Variants in CSGALNACT1 observed in about 807,000 individuals in gnomAD.
CSGALNACT1 encodes the protein beta4GalNAcT-1.
A neutral mutation model predicts 51.0 loss-of-function variants in CSGALNACT1; 52 were observed. The ratio of observed to expected loss-of-function variants is 1.02; its 90% CI spans 0.82 to 1.29. The LOEUF is 1.29. CSGALNACT1 is among the 50% of genes most tolerant of loss of function. The pLI is 0.00. For synonymous variants in CSGALNACT1, 341 were observed against 254.4 expected (o/e 1.34, Z -3.24); for missense variants, 935 against 679.2 (o/e 1.38, Z -4.19).
exon 10 of CSGALNACT1, chr8:19,405,783 T>C (rs2054016138): frequency 6.2e-7 from 1 of 1,614,062 alleles, no homozygotes; most frequent in South Asian, 1.1e-5. Context: ...TGGGAGTTCA[T>C]GTTTTTTTGC....
At chr8:19,598,267 C>T (rs555837913) in intron 2 of CSGALNACT1, among the ~76,000 whole-genome samples, 3 of 152,166 alleles carry the variant, frequency 2.0e-5, no homozygotes, top group East Asian at 1.9e-4. Flanking sequence ...CACCGGATAC[C>T]CATTCATGTG....
intron 1 of CSGALNACT1, among the ~76,000 whole-genome samples, chr8:19,614,950 T>C (rs576571387): frequency 6.5e-4 from 99 of 152,222 alleles, no homozygotes; most frequent in Non-Finnish European, 1.0e-3. Flanking sequence ...TTTGCAGTGA[T>C]ATTTCAATTT....
chr8:19,481,573 G>A (rs1586906987), intron 4 of CSGALNACT1, among the ~76,000 whole-genome samples: 4 of 152,148 alleles, frequency 2.6e-5, no homozygotes, highest in African/African-American at 7.2e-5. Context: ...ACACACTTAA[G>A]AACACCCTAG....
intron 3 of CSGALNACT1, among the ~76,000 whole-genome samples, chr8:19,584,532 T>A (rs563765280): frequency 1.5e-4 from 23 of 152,362 alleles, no homozygotes; most frequent in South Asian, 2.1e-4. Context: ...TCCTCCAGGA[T>A]ACTGTTTATG....
At chr8:19,719,410 G>C (rs957131420) in intron 1 of CSGALNACT1, among the ~76,000 whole-genome samples, 1 of 152,144 alleles carries the variant, frequency 6.6e-6, no homozygotes, top group Admixed American at 6.6e-5. Context: ...TCTGGAAATA[G>C]GCACACATTC....
chr8:19,752,889 G>T (rs760656090), intron 1 of CSGALNACT1, among the ~76,000 whole-genome samples: 38 of 152,160 alleles, frequency 2.5e-4, no homozygotes, highest in Non-Finnish European at 3.8e-4. Flanking sequence ...TGAAATTCTA[G>T]CAAACAATTA....
chr8:19,437,809 T>A (rs373493893), intron 6 of CSGALNACT1, among the ~76,000 whole-genome samples: 1 of 152,182 alleles, frequency 6.6e-6, no homozygotes, highest in South Asian at 2.1e-4. Flanking sequence ...ATTGGGTAGA[T>A]TGATGACTAG....
intron 4 of CSGALNACT1, among the ~76,000 whole-genome samples, chr8:19,460,797 T>C (rs2065195601): frequency 6.6e-6 from 1 of 152,204 alleles, no homozygotes; most frequent in Admixed American, 6.5e-5. Context: ...CATGTCTTCC[T>C]CGCAAGTTCT....
intron 1 of CSGALNACT1, among the ~76,000 whole-genome samples, chr8:19,623,295 A>G (rs2054056596): frequency 6.6e-6 from 1 of 152,232 alleles, no homozygotes; most frequent in Non-Finnish European, 1.5e-5. Context: ...AGAAGTAATA[A>G]TAATCCTTAA....
At chr8:19,552,342 G>A (rs1432962098) in intron 3 of CSGALNACT1, among the ~76,000 whole-genome samples, 2 of 152,174 alleles carry the variant, frequency 1.3e-5, no homozygotes, top group African/African-American at 4.8e-5. Flanking sequence ...AGAAGAGGGT[G>A]TAGAGTTTTC....
At chr8:19,504,298 G>C (rs1337664959) in intron 4 of CSGALNACT1, among the ~76,000 whole-genome samples, 4 of 152,056 alleles carry the variant, frequency 2.6e-5, no homozygotes, top group Non-Finnish European at 5.9e-5. Flanking sequence ...GGATGGTCTC[G>C]ATCTCCCGAC....
At chr8:19,648,439 T>C (rs549226313) in intron 1 of CSGALNACT1, among the ~76,000 whole-genome samples, 1 of 152,344 alleles carries the variant, frequency 6.6e-6, no homozygotes, top group African/African-American at 2.4e-5. Flanking sequence ...ATTCAATTTC[T>C]AGAAAGTTCC....
chr8:19,433,546 T>C (rs1030346817), intron 6 of CSGALNACT1, among the ~76,000 whole-genome samples: 4 of 152,220 alleles, frequency 2.6e-5, no homozygotes, highest in African/African-American at 7.2e-5. Flanking sequence ...CTTCCTATAA[T>C]TGTTTTAGAC....
intron 2 of CSGALNACT1, among the ~76,000 whole-genome samples, chr8:19,598,340 A>G (rs886591465): frequency 2.6e-5 from 4 of 152,222 alleles, no homozygotes; most frequent in Non-Finnish European, 5.9e-5. Flanking sequence ...AGGAGTATAA[A>G]TTAAAATTGA....
At chr8:19,670,079 C>T (rs2059674418) in intron 1 of CSGALNACT1, among the ~76,000 whole-genome samples, 1 of 152,216 alleles carries the variant, frequency 6.6e-6, no homozygotes, top group Non-Finnish European at 1.5e-5. Flanking sequence ...ATTGCCATGT[C>T]CCCTACTCCC....
intron 1 of CSGALNACT1, among the ~76,000 whole-genome samples, chr8:19,711,248 G>A (rs1165894926): frequency 1.3e-5 from 2 of 152,122 alleles, no homozygotes; most frequent in African/African-American, 4.8e-5. Context: ...GATAGAAGCT[G>A]AAAGTTTTAA....
chr8:19,557,413 T>G (rs142046943), intron 3 of CSGALNACT1, among the ~76,000 whole-genome samples: 7 of 152,218 alleles, frequency 4.6e-5, no homozygotes, highest in African/African-American at 1.7e-4. Context: ...CTCTCCAACG[T>G]CTCCCATTCA....
chr8:19,415,269 C>T (rs991927422), intron 8 of CSGALNACT1, among the ~76,000 whole-genome samples: 1 of 152,192 alleles, frequency 6.6e-6, no homozygotes, highest in Non-Finnish European at 1.5e-5. Flanking sequence ...AGGCCAGTCC[C>T]CCGTAGGCAG....
chr8:19,481,024 A>C (rs1467989199), intron 4 of CSGALNACT1, among the ~76,000 whole-genome samples: 1 of 152,170 alleles, frequency 6.6e-6, no homozygotes, highest in African/African-American at 2.4e-5. Flanking sequence ...CTGCCCGTCC[A>C]AGTGCCTAAA....
Sources: gnomAD v4.1 joint callset for allele counts (sites outside exome capture counted in the v4.1 genomes callset) on GRCh38, gnomAD v4.1.1 for gene constraint, MANE v1.5 for transcripts, NCBI Gene and HGNC (gene_info 2026-07-23, HGNC 2026-07-21) for gene names.